The following PHF21A variants were observed in gnomAD, a reference collection of about 807,000 sequenced individuals.
PHF21A encodes the protein BHC80a.
In PHF21A, 11 loss-of-function variants were observed where a neutral mutation model predicts 82.5. The ratio of observed to expected loss-of-function variants is 0.13; its 90% CI spans 0.08 to 0.22. The LOEUF is 0.22. Ranked by LOEUF, PHF21A falls within the 10% of genes least tolerant of loss-of-function variation. The pLI is 1.00. For synonymous variants in PHF21A, 297 were observed against 302.8 expected (o/e 0.98, Z 0.20); for missense variants, 579 against 837.8 (o/e 0.69, Z 3.81).
chr11:45,950,252 A>G lies in PHF21A; in HGVS notation c.1101T>C (p.Leu367=), dbSNP rs1435056910. The part of the protein sequence containing the change: ...KPKREENPQK[L]AFMVSLGLVT... ...CCAACCCTAGAGACACCATGAAGGC[A>G]AGTTTCTGTGCCAGAGAAACAAAAG... The change falls in exon 12 of 19, where the codon CTT becomes CTC. Residue 367 remains leucine (L), a synonymous_variant. Coordinates refer to ENST00000676320, the MANE Select transcript of PHF21A (RefSeq NM_001352027.3). 1 of 1,609,060 alleles carries G rather than the reference A, an allele frequency of 6.2e-7. No homozygotes were observed. Among genetic ancestry groups the G allele is most frequent in the South Asian group, 1.1e-5 (1 of 90,258 alleles).
intron 9 of PHF21A, among the ~76,000 whole-genome samples, chr11:45,967,626 T>C (rs1034876881): frequency 6.6e-6 from 1 of 152,220 alleles, no homozygotes; most frequent in African/African-American, 2.4e-5. Flanking sequence ...TGGACAGCTG[T>C]AGGGACTGCT....
At chr11:46,005,748 C>A (rs772212782) in intron 6 of PHF21A, among the ~76,000 whole-genome samples, 8 of 152,162 alleles carry the variant, frequency 5.3e-5, no homozygotes, top group Non-Finnish European at 1.2e-4. Context: ...ATTTGTAGCA[C>A]AATTAAGCTT....
intron 6 of PHF21A, among the ~76,000 whole-genome samples, chr11:46,032,173 A>C (rs1430207030): frequency 3.9e-5 from 6 of 152,188 alleles, no homozygotes; most frequent in Non-Finnish European, 8.8e-5. Flanking sequence ...TGCTACACAA[A>C]ATGATGCTAA....
intron 6 of PHF21A, among the ~76,000 whole-genome samples, chr11:46,048,526 T>C (rs1209151269): frequency 6.6e-6 from 1 of 152,084 alleles, no homozygotes; most frequent in Admixed American, 6.6e-5. Flanking sequence ...TCCCAGCAAT[T>C]TGGGAGGCCG....
chr11:45,953,460 C>T (rs1371057283), intron 11 of PHF21A, 67 bp downstream of exon 11: 3 of 911,774 alleles, frequency 3.3e-6, no homozygotes, highest in Admixed American at 1.9e-5. Context: ...AGCAGGTGCC[C>T]CTCCTGGTAC....
intron 6 of PHF21A, among the ~76,000 whole-genome samples, chr11:46,076,540 T>C (rs1289664158): frequency 6.6e-6 from 1 of 152,174 alleles, no homozygotes; most frequent in Non-Finnish European, 1.5e-5. Flanking sequence ...TTTTAGGTAT[T>C]TGCCAGTAAC....
intron 6 of PHF21A, among the ~76,000 whole-genome samples, chr11:46,044,586 T>C (rs1298018720): frequency 3.3e-5 from 5 of 152,192 alleles, no homozygotes; most frequent in African/African-American, 1.2e-4. Flanking sequence ...GGAAGCAATG[T>C]TAGAAATCCA....
chr11:46,116,155 G>C (rs918754440), intron 1 of PHF21A, among the ~76,000 whole-genome samples: 10 of 152,236 alleles, frequency 6.6e-5, no homozygotes, highest in African/African-American at 2.2e-4. Flanking sequence ...TAAGAAAGCT[G>C]AAACTCAAGG....
At chr11:45,990,507 G>A (rs2094656794) in intron 6 of PHF21A, among the ~76,000 whole-genome samples, 1 of 151,712 alleles carries the variant, frequency 6.6e-6, no homozygotes, top group African/African-American at 2.4e-5. Context: ...CGATCCACCC[G>A]CCTCAGCCTC....
At chr11:46,013,973 G>T (rs2095464803) in intron 6 of PHF21A, among the ~76,000 whole-genome samples, 1 of 152,080 alleles carries the variant, frequency 6.6e-6, no homozygotes, top group East Asian at 1.9e-4. Flanking sequence ...CGTATACTTA[G>T]GCTACGCTAA....
chr11:46,007,725 CA>C (rs1010950826), intron 6 of PHF21A, among the ~76,000 whole-genome samples: 8 of 152,048 alleles, frequency 5.3e-5, no homozygotes, highest in Admixed American at 2.6e-4. Flanking sequence ...TAATTTAAAT[CA>C]AAAAACGATG....
intron 6 of PHF21A, among the ~76,000 whole-genome samples, chr11:46,001,072 A>C (rs763985455): frequency 1.3e-5 from 2 of 152,182 alleles, no homozygotes; most frequent in Non-Finnish European, 2.9e-5. Flanking sequence ...TGCTACAGCA[A>C]TAGCTCAACA....
At chr11:45,971,068 T>C in intron 8 of PHF21A, 48 bp downstream of exon 8, 6 of 1,603,198 alleles carry the variant, frequency 3.7e-6, no homozygotes, top group Non-Finnish European at 5.1e-6. Context: ...CAAATGCGTA[T>C]CCTAACCTTC....
At chr11:46,087,957 A>C (rs1002477231) in intron 3 of PHF21A, among the ~76,000 whole-genome samples, 2 of 151,988 alleles carry the variant, frequency 1.3e-5, no homozygotes, top group Admixed American at 6.6e-5. Context: ...GGGTTTCGCC[A>C]TGTTGCCTAG....
At chr11:46,065,838 G>T (rs1417631947) in intron 6 of PHF21A, among the ~76,000 whole-genome samples, 1 of 152,222 alleles carries the variant, frequency 6.6e-6, no homozygotes, top group Admixed American at 6.5e-5. Flanking sequence ...TAGAGAGGAA[G>T]AAATGACACA....
intron 6 of PHF21A, among the ~76,000 whole-genome samples, chr11:45,985,117 A>G (rs2094447328): frequency 6.6e-6 from 1 of 152,250 alleles, no homozygotes; most frequent in Admixed American, 6.5e-5. Context: ...GGAAAAACTA[A>G]CCTGGAGAAA....
rs1160272716 is a variant in PHF21A at position 46,121,132 on chromosome 11, C to CCCTT, written c.-438_-435dup. 6.6e-6 allele frequency: 1 copy of CCCTT among 152,660 alleles called. No individual in the cohort carries two copies. The highest frequency in any genetic ancestry group is 1.5e-5 in the Non-Finnish European group (1 of 68,854). 9.5% of individuals were successfully genotyped at this position (152,660 alleles called of 1,614,324 possible). ...TAGTGTGTTAAGATGGTAGGTTGTTCCCTTCTCCCTCCTCCTCCTCCTCCT... is the reference window on the plus strand; with the variant it reads ...TAGTGTGTTAAGATGGTAGGTTGTTCCCTTCCTTCTCCCTCCTCCTCCTCCTCCT... On this transcript the variant is annotated 5_prime_UTR_variant, in exon 1 of 19. Transcript: ENST00000676320.
intron 15 of PHF21A, among the ~76,000 whole-genome samples, chr11:45,941,904 T>C (rs757419575): frequency 3.9e-5 from 6 of 152,256 alleles, no homozygotes; most frequent in Non-Finnish European, 7.3e-5. Context: ...ATAAAAATGA[T>C]GATAGTGGCA....
At chr11:45,985,466 G>C (rs1392369478) in intron 6 of PHF21A, among the ~76,000 whole-genome samples, 1 of 152,170 alleles carries the variant, frequency 6.6e-6, no homozygotes, top group African/African-American at 2.4e-5. Context: ...AGAAACTCAA[G>C]ATAAACTCCC....
Sources: allele counts gnomAD v4.1 joint callset (sites outside exome capture counted in the v4.1 genomes callset), GRCh38; gene constraint gnomAD v4.1.1; transcripts MANE v1.5; gene names NCBI Gene and HGNC (gene_info 2026-07-23, HGNC 2026-07-21).